The following TULP4 variants were observed in gnomAD, a reference collection of about 807,000 sequenced individuals.
The protein encoded by TULP4 is TUB like protein 4.
Under a neutral mutation model 129.0 loss-of-function variants are expected in TULP4, and 16 were observed. That is an observed-to-expected ratio of 0.12 (90% CI 0.08 to 0.19). The LOEUF (loss-of-function observed/expected upper bound fraction) is 0.19, where lower values mean the gene tolerates loss of function less well. Ranked by LOEUF, TULP4 falls within the 10% of genes least tolerant of loss-of-function variation. The probability of loss-of-function intolerance (pLI) is 1.00; values close to 1 mark genes in which losing one functional copy is unlikely to be tolerated. For synonymous variants in TULP4, 998 were observed against 854.0 expected, an observed-to-expected ratio of 1.17 and a Z score of -2.94; for missense variants, 1,842 against 2,059.1, an observed-to-expected ratio of 0.89 and a Z score of 2.04.
chr6:158,354,336 G>GC (rs1248776810), intron 1 of TULP4, among the ~76,000 whole-genome samples: 1 of 152,182 alleles, frequency 6.6e-6, no homozygotes, highest in Admixed American at 6.5e-5. Flanking sequence ...CATTTGGAGA[G>GC]CATCCAGCTA....
intron 1 of TULP4, among the ~76,000 whole-genome samples, chr6:158,304,312 A>G (rs929021903): frequency 6.6e-6 from 1 of 152,206 alleles, no homozygotes; most frequent in Non-Finnish European, 1.5e-5. Flanking sequence ...GCAGGTCATT[A>G]ATTCAATTAG....
chr6:158,345,222 A>G (rs373299558), intron 1 of TULP4, among the ~76,000 whole-genome samples: 2 of 152,234 alleles, frequency 1.3e-5, no homozygotes, highest in African/African-American at 4.8e-5. Flanking sequence ...ATCATGGCTC[A>G]CTGCAGCCTC....
chr6:158,458,263 C>A (rs1360696861), intron 5 of TULP4, among the ~76,000 whole-genome samples: 1 of 152,190 alleles, frequency 6.6e-6, no homozygotes, highest in Non-Finnish European at 1.5e-5. Context: ...CTTCATATAA[C>A]CTTCCAGACT....
chr6:158,403,221 G>T (rs1217340729), intron 1 of TULP4, among the ~76,000 whole-genome samples: 2 of 152,144 alleles, frequency 1.3e-5, no homozygotes, highest in Non-Finnish European at 2.9e-5. Flanking sequence ...AAGCAGGTGA[G>T]GACCCTAGCT....
chr6:158,325,598 C>T (rs1284770536), intron 1 of TULP4, among the ~76,000 whole-genome samples: 4 of 152,118 alleles, frequency 2.6e-5, no homozygotes, highest in Admixed American at 6.5e-5. Context: ...GTGATCCGCC[C>T]GCCTCGGCCT....
At chr6:158,494,283 C>T (rs919461226) in intron 10 of TULP4, among the ~76,000 whole-genome samples, 5 of 152,150 alleles carry the variant, frequency 3.3e-5, no homozygotes, top group African/African-American at 1.2e-4. Context: ...GTTTAAGCTC[C>T]TTAAGGGGCT....
At chr6:158,296,677 G>A (rs370550558) in intron 1 of TULP4, among the ~76,000 whole-genome samples, 10 of 150,712 alleles carry the variant, frequency 6.6e-5, no homozygotes, top group South Asian at 6.3e-4. Context: ...AGTGTCAGCC[G>A]GTCTGAGAAA....
intron 1 of TULP4, among the ~76,000 whole-genome samples, chr6:158,402,794 C>G (rs1397107520): frequency 6.6e-6 from 1 of 151,708 alleles, no homozygotes; most frequent in Non-Finnish European, 1.5e-5. Context: ...AAAAGGTCTT[C>G]AGGTTATTTT....
intron 6 of TULP4, among the ~76,000 whole-genome samples, chr6:158,466,071 T>C (rs1196286475): frequency 1.3e-5 from 2 of 152,224 alleles, no homozygotes; most frequent in South Asian, 2.1e-4. Flanking sequence ...ATTTGTTATC[T>C]TATTGCCATC....
intron 1 of TULP4, among the ~76,000 whole-genome samples, chr6:158,331,957 AG>A (rs1779905782): frequency 2.0e-5 from 3 of 148,314 alleles, no homozygotes; most frequent in African/African-American, 7.4e-5. Flanking sequence ...GGATTACCCG[AG>A]GTCAGGAATT....
chr6:158,368,363 C>T (rs1002228613), intron 1 of TULP4, among the ~76,000 whole-genome samples: 1 of 152,046 alleles, frequency 6.6e-6, no homozygotes, highest in African/African-American at 2.4e-5. Context: ...AGTGCAGTGG[C>T]GTGATTTTGG....
At chr6:158,418,120 A>G (rs35577488) in intron 2 of TULP4, among the ~76,000 whole-genome samples, 33,093 of 120,500 alleles carry the variant, frequency 0.27, 5,132 homozygotes, top group Middle Eastern at 0.39. Flanking sequence ...TTTTTTTGGG[A>G]GCGGGGGAGA....
intron 2 of TULP4, among the ~76,000 whole-genome samples, chr6:158,418,584 T>C (rs1235903927): frequency 2.0e-5 from 3 of 152,076 alleles, no homozygotes; most frequent in Non-Finnish European, 4.4e-5. Flanking sequence ...CTGGACAATA[T>C]AGCAAGACCT....
chr6:158,342,859 A>G (rs1000368940), intron 1 of TULP4, among the ~76,000 whole-genome samples: 28 of 152,168 alleles, frequency 1.8e-4, no homozygotes, highest in African/African-American at 6.3e-4. Flanking sequence ...CATATATAAA[A>G]TATCTGGTAC....
chr6:158,307,925 G>A (rs1166796243), upstream of TULP4, among the ~76,000 whole-genome samples: 1 of 151,624 alleles, frequency 6.6e-6, no homozygotes, highest in African/African-American at 2.4e-5. Flanking sequence ...TGGGGAGCTC[G>A]CAAGCTCATA....
At chr6:158,388,489 C>A (rs2114938431) in intron 1 of TULP4, among the ~76,000 whole-genome samples, 1 of 151,558 alleles carries the variant, frequency 6.6e-6, no homozygotes, top group East Asian at 1.9e-4. Context: ...ATCACAACGC[C>A]CGGCTAATTT....
Position 158,313,626 on chromosome 6 carries a change from C to A in TULP4, c.-391C>A, listed in dbSNP as rs1779414951. ...GTCTCTGGAATCATATTACACTAAACTGGAATCTCAGGCTGAATGAGAATA... is the reference window on the plus strand; with the variant it reads ...GTCTCTGGAATCATATTACACTAAAATGGAATCTCAGGCTGAATGAGAATA... On this transcript the variant is annotated 5_prime_UTR_variant, in exon 1 of 14. It adds an upstream start codon to the 5' untranslated region. Coordinates refer to ENST00000367097, the MANE Select transcript of TULP4 (RefSeq NM_020245.5). The A allele has an allele frequency of 2.3e-6, 1 of 427,892 alleles. No homozygotes were observed. Among genetic ancestry groups the A allele is most frequent in the African/African-American group, 2.0e-5 (1 of 48,926 alleles). The allele number at this position is 427,892 out of a possible 1,614,324, so 26.5% of individuals were successfully genotyped here.
chr6:158,497,857 G>A (rs187982926), intron 11 of TULP4, among the ~76,000 whole-genome samples: 1 of 152,340 alleles, frequency 6.6e-6, no homozygotes, highest in Admixed American at 6.5e-5. Context: ...TAAGGTGACC[G>A]CCATGGAGCT....
intron 2 of TULP4, among the ~76,000 whole-genome samples, chr6:158,421,699 T>C (rs1447842512): frequency 1.3e-5 from 2 of 152,172 alleles, no homozygotes; most frequent in Admixed American, 6.5e-5. Flanking sequence ...TGCAAATTTT[T>C]CCCCACAAAG....
Sources: gnomAD v4.1 joint callset for allele counts (sites outside exome capture counted in the v4.1 genomes callset) on GRCh38, gnomAD v4.1.1 for gene constraint, MANE v1.5 for transcripts, NCBI Gene and HGNC (gene_info 2026-07-23, HGNC 2026-07-21) for gene names.